Variants in AGFG2 observed in about 807,000 individuals in gnomAD.
AGFG2 encodes ArfGAP with FG repeats 2, also known as arf-GAP domain and FG repeat-containing protein 2.
In AGFG2, 31 loss-of-function variants were observed where a neutral mutation model predicts 48.0. The observed-to-expected ratio is 0.65, with a 90% CI of 0.49 to 0.87. The LOEUF is 0.87. Ranked by LOEUF, AGFG2 falls within the 40% of genes least tolerant of loss-of-function variation. The pLI is 0.00. For synonymous variants in AGFG2, 229 were observed against 260.8 expected, an observed-to-expected ratio of 0.88 and a Z score of 1.18; for missense variants, 599 against 632.6, an observed-to-expected ratio of 0.95 and a Z score of 0.57.
chr7:100,564,236 T>C lies in AGFG2; in HGVS notation c.1319T>C (p.Leu440Ser), dbSNP rs1462500262. 1.2e-6 allele frequency: 2 copies of C among 1,613,046 alleles called. No individual in the cohort carries two copies. The highest frequency in any genetic ancestry group is 2.7e-5 in the African/African-American group (2 of 74,914). Residue 440 changes from leucine to serine, a missense_variant, in exon 11 of 12, where the codon TTA becomes TCA. Physicochemically the swap from Leu to Ser is moderately radical, Grantham distance 145. Coordinates refer to ENST00000300176, the MANE Select transcript of AGFG2 (RefSeq NM_006076.5). ...QQQNGSSFGD[L>S]GSAKLGQRPL... The stretch of plus-strand genomic sequence containing the variant: ...CCCCTAGGCTCTTCCTTCGGGGACT[T>C]AGGATCAGCCAAGTTGGGGCAGAGG...
intron 1 of AGFG2, among the ~76,000 whole-genome samples, chr7:100,547,375 T>C (rs1800532779): frequency 6.6e-6 from 1 of 152,050 alleles, no homozygotes; most frequent in Non-Finnish European, 1.5e-5. Flanking sequence ...GACCCTATTC[T>C]GGATTTTTAT....
intron 9 of AGFG2, 150 bp downstream of exon 9, chr7:100,563,096 T>G: frequency 1.3e-6 from 1 of 789,746 alleles, no homozygotes. Flanking sequence ...CCAGGCCACC[T>G]AGCACCCAGG....
At chr7:100,545,787 C>T (rs1371298271) in intron 1 of AGFG2, among the ~76,000 whole-genome samples, 1 of 152,216 alleles carries the variant, frequency 6.6e-6, no homozygotes, top group African/African-American at 2.4e-5. Flanking sequence ...CTGCATGACC[C>T]TGGTGTGTAC....
intron 11 of AGFG2, 35 bp downstream of exon 11, chr7:100,564,338 C>G (rs761381699): frequency 1.3e-6 from 2 of 1,587,932 alleles, no homozygotes; most frequent in Non-Finnish European, 1.7e-6. Flanking sequence ...TGGTAGGGCT[C>G]GTGGGCTTTC....
intron 10 of AGFG2, 118 bp downstream of exon 10, chr7:100,564,080 G>T (rs1231986060): frequency 6.5e-6 from 10 of 1,548,580 alleles, no homozygotes; most frequent in African/African-American, 2.7e-5. Flanking sequence ...CAGCAGGGGG[G>T]ACCAGGGAAG....
intron 1 of AGFG2, among the ~76,000 whole-genome samples, chr7:100,547,464 TC>T (rs781449795): frequency 7.6e-4 from 115 of 152,250 alleles, no homozygotes; most frequent in Non-Finnish European, 6.9e-4. Flanking sequence ...TGAGACTGCT[TC>T]CCTCCTGTCC....
Position 100,562,466 on chromosome 7 carries a change from C to T in AGFG2, c.998+87C>T. 1 of 1,600,034 alleles carries T rather than the reference C, an allele frequency of 6.2e-7. No homozygotes were observed. The highest frequency in any genetic ancestry group is 1.1e-5 in the South Asian group (1 of 89,806). ...TTCCTCCCAGCCCCATCGGCATCTC[C>T]TGGCAGTTCTCCCCTCCCCTCCTCT... On this transcript the variant is annotated intron_variant, in intron 7 of 11. Transcript: ENST00000300176. This position sits in a 1 kb window ranked among gnomAD's most constrained non-coding sequence, Gnocchi z 5.4.
rs1405190789 is a variant in AGFG2, at chr7:100,565,458, C to G, written c.*467C>G. 1 of 158,284 alleles carries G rather than the reference C, an allele frequency of 6.3e-6. No homozygotes were observed. The highest frequency in any genetic ancestry group is 6.4e-5 in the Admixed American group (1 of 15,668). 9.8% of individuals were successfully genotyped at this position (158,284 alleles called of 1,614,324 possible). A position where few individuals can be genotyped will look rare whatever the true frequency, so the allele number is the denominator to read the frequency against. On this transcript the variant is annotated 3_prime_UTR_variant, in exon 12 of 12. Coordinates refer to ENST00000300176, the MANE Select transcript of AGFG2 (RefSeq NM_006076.5). Reference sequence around the variant, plus strand: ...AGTGCTCTTGGTGGCCCAGCTTGGCCAGCACACACTTTCCTCCTGCAGCAC... The same window carrying G: ...AGTGCTCTTGGTGGCCCAGCTTGGCGAGCACACACTTTCCTCCTGCAGCAC...
chr7:100,542,480 T>A (rs1800440223), intron 1 of AGFG2, among the ~76,000 whole-genome samples: 1 of 152,152 alleles, frequency 6.6e-6, no homozygotes, highest in Non-Finnish European at 1.5e-5. Context: ...GGCCAGTAAA[T>A]GAAGCTGAAT....
chr7:100,550,604 A>G (rs1315327695), intron 3 of AGFG2, 93 bp downstream of exon 3: 2 of 933,554 alleles, frequency 2.1e-6, no homozygotes, highest in East Asian at 2.5e-5. Flanking sequence ...GCCTTCTCAC[A>G]AAAGACTAGA....
chr7:100,551,029 T>C (rs1800621181), intron 3 of AGFG2, among the ~76,000 whole-genome samples: 1 of 68,514 alleles, frequency 1.5e-5, no homozygotes, highest in Admixed American at 1.7e-4. Flanking sequence ...GCCTGGCTAA[T>C]TTATATATAT....
intron 5 of AGFG2, among the ~76,000 whole-genome samples, chr7:100,555,186 T>C (rs917426824): frequency 2.6e-5 from 4 of 151,776 alleles, no homozygotes; most frequent in African/African-American, 9.7e-5. Flanking sequence ...AGAGTGGCCT[T>C]TGGCCTTTAG....
chr7:100,549,565 T>A (rs1800581972), intron 2 of AGFG2, among the ~76,000 whole-genome samples: 2 of 152,216 alleles, frequency 1.3e-5, no homozygotes, highest in African/African-American at 4.8e-5. Flanking sequence ...TTTAGTTTTA[T>A]TTATCTAAGA....
chr7:100,551,055 TATATATATA>T lies in AGFG2; in HGVS notation c.431+545_431+553del, dbSNP rs1465534636. Among the ~76,000 whole-genome samples, 58 of 87,894 alleles carry T rather than the reference TATATATATA, an allele frequency of 6.6e-4. 2 individuals are homozygous for T. Among genetic ancestry groups the T allele is most frequent in the African/African-American group, 2.2e-3 (56 of 25,158 alleles). The allele number at this position is 87,894 out of a possible 152,430, so 57.7% of individuals were successfully genotyped here. A position where few individuals can be genotyped will look rare whatever the true frequency, so the allele number is the denominator to read the frequency against. ...TTATATATATATATATATATATATA[TATATATATA>T]TATTTCTTTTTTTTTTTTTTTTTGA... is the stretch of plus-strand genomic sequence containing the variant. On this transcript the variant is annotated intron_variant, in intron 3 of 11. Coordinates refer to ENST00000300176, the MANE Select transcript of AGFG2 (RefSeq NM_006076.5).
chr7:100,557,244 C>T (rs1159099382), intron 6 of AGFG2, among the ~76,000 whole-genome samples: 1 of 151,176 alleles, frequency 6.6e-6, no homozygotes, highest in Non-Finnish European at 1.5e-5. Flanking sequence ...TTCTCAAAAT[C>T]ATGTACTTAA....
At position 100,562,835 on chromosome 7, in the gene AGFG2, C is replaced by T; in HGVS notation, c.1088-28C>T. The T allele has an allele frequency of 6.2e-7, 1 of 1,611,994 alleles. No homozygotes were observed. The highest frequency in any genetic ancestry group is 1.1e-5 in the South Asian group (1 of 91,020). On this transcript the variant is annotated intron_variant, in intron 8 of 11. Coordinates refer to ENST00000300176, the MANE Select transcript of AGFG2 (RefSeq NM_006076.5). This position sits in a 1 kb window ranked among gnomAD's most constrained non-coding sequence, Gnocchi z 5.4. ...AAAAAAAGTAACCATCTCTCTCTTTCCTGCCGCTCCCCATTCCACCTGGGC... is the reference window on the plus strand; with the variant it reads ...AAAAAAAGTAACCATCTCTCTCTTTTCTGCCGCTCCCCATTCCACCTGGGC...
intron 2 of AGFG2, among the ~76,000 whole-genome samples, 198 bp from the exon 3 acceptor site, chr7:100,550,198 T>C (rs1467244379): frequency 6.6e-6 from 1 of 151,428 alleles, no homozygotes; most frequent in Non-Finnish European, 1.5e-5. Flanking sequence ...TCTCAGCTAC[T>C]TGGGAGACTG....
intron 11 of AGFG2, 132 bp downstream of exon 11, chr7:100,564,435 G>T (rs901954508): frequency 2.1e-6 from 2 of 930,732 alleles, no homozygotes; most frequent in East Asian, 5.3e-5. Context: ...CCAAGCCAGG[G>T]CTGAGCTTGG....
At chr7:100,551,059 TATATATATTTC>T (rs1800628634) in intron 3 of AGFG2, among the ~76,000 whole-genome samples, 4 of 113,396 alleles carry the variant, frequency 3.5e-5, no homozygotes, top group African/African-American at 1.5e-4. Context: ...TATATATATA[TATATATATTTC>T]TTTTTTTTTT....
Sources: gnomAD v4.1 joint callset for allele counts (sites outside exome capture counted in the v4.1 genomes callset) on GRCh38, gnomAD v4.1.1 for gene constraint, Gnocchi (gnomAD v3.1) non-coding constraint, MANE v1.5 for transcripts, NCBI Gene and HGNC (gene_info 2026-07-23, HGNC 2026-07-21) for gene names.